Variants in RHOQ observed in about 807,000 individuals in gnomAD.
RHOQ encodes the protein ras homolog family member Q.
RHOQ carries 7 observed loss-of-function variants against 25.8 expected under a neutral mutation model. That is an observed-to-expected ratio of 0.27 (90% CI 0.15 to 0.51). The LOEUF (loss-of-function observed/expected upper bound fraction) is 0.51. RHOQ is among the 20% of genes least tolerant of loss of function. The probability of loss-of-function intolerance (pLI) is 0.97; values close to 1 mark genes in which losing one functional copy is unlikely to be tolerated. For synonymous variants in RHOQ, 97 were observed against 98.6 expected (o/e 0.98, Z 0.10); for missense variants, 165 against 260.6 (o/e 0.63, Z 2.53).
intron 2 of RHOQ, among the ~76,000 whole-genome samples, chr2:46,554,506 A>G (rs1449358281): frequency 6.6e-6 from 1 of 152,194 alleles, no homozygotes; most frequent in African/African-American, 2.4e-5. Context: ...GGCTGAGGTT[A>G]GCACTCCTCT....
chr2:46,575,818 T>C (rs1177338041), intron 2 of RHOQ, among the ~76,000 whole-genome samples: 3 of 152,236 alleles, frequency 2.0e-5, no homozygotes, highest in African/African-American at 7.2e-5. Flanking sequence ...AAAATGTTTT[T>C]AGTGACAGCG....
rs1054138921 is a variant in RHOQ, at chr2:46,552,965, T to A, written c.201+9153T>A. 6.6e-6 allele frequency among the ~76,000 whole-genome samples: 1 copy of A among 152,242 alleles called. No individual in the cohort carries two copies. The highest frequency in any genetic ancestry group is 2.4e-5 in the African/African-American group (1 of 41,456). On this transcript the variant is annotated intron_variant, in intron 2 of 4. Coordinates refer to ENST00000238738, the MANE Select transcript of RHOQ (RefSeq NM_012249.4). This position sits in a 1 kb window ranked among gnomAD's most constrained non-coding sequence, Gnocchi z 5.0. ...TTTTAGCTGGAGAAAGTGATCAGTT[T>A]GGATTCTTACACGTACTAGATGCTC...
intron 2 of RHOQ, among the ~76,000 whole-genome samples, chr2:46,574,883 G>T (rs1169876807): frequency 6.6e-6 from 1 of 152,188 alleles, no homozygotes; most frequent in East Asian, 1.9e-4. Flanking sequence ...TATTCCCTTA[G>T]TTCCACATTT....
chr2:46,572,939 C>A (rs1668983253), intron 2 of RHOQ, among the ~76,000 whole-genome samples: 1 of 152,168 alleles, frequency 6.6e-6, no homozygotes, highest in South Asian at 2.1e-4. Context: ...TGCATATGAA[C>A]CATTTTATAT....
rs934949662 is a variant in RHOQ, at chr2:46,569,544, A to C, written c.202-6543A>C. 1.3e-4 allele frequency: 20 copies of C among 152,100 alleles called. No individual in the cohort carries two copies. Among genetic ancestry groups the C allele is most frequent in the African/African-American group, 3.6e-4 (15 of 41,398 alleles). 9.4% of individuals were successfully genotyped at this position (152,100 alleles called of 1,614,324 possible). ...TTTCTTTATGCTCCACCAGATGTAAATTTTCTCTCCGTTTCCTCCAGCCAA... is the reference window on the plus strand; with the variant it reads ...TTTCTTTATGCTCCACCAGATGTAACTTTTCTCTCCGTTTCCTCCAGCCAA... On this transcript the variant is annotated intron_variant, in intron 2 of 4. Transcript: ENST00000238738. The surrounding 1 kb of genome is among the most constrained non-coding windows in gnomAD (Gnocchi z 4.1).
In RHOQ at chr2:46,583,100, C is replaced by G. The variant is rs1304534871; in HGVS notation, c.*2017C>G. ...GGTATAAACGAATTACAACAGTAAA[C>G]TATTACACATTTCCAACTTGCCTTT... On this transcript the variant is annotated 3_prime_UTR_variant, in exon 5 of 5. Coordinates refer to ENST00000238738, the MANE Select transcript of RHOQ (RefSeq NM_012249.4). 4 of 152,062 alleles carry G rather than the reference C, an allele frequency of 2.6e-5. No individual in the cohort carries two copies. Among genetic ancestry groups the G allele is most frequent in the African/African-American group, 9.7e-5 (4 of 41,408 alleles). The allele number at this position is 152,062 out of a possible 1,614,324, so 9.4% of individuals were successfully genotyped here. A position where few individuals can be genotyped will look rare whatever the true frequency, so the allele number is the denominator to read the frequency against.
Position 46,581,621 on chromosome 2 carries a change from G to T in RHOQ, c.*538G>T. On this transcript the variant is annotated 3_prime_UTR_variant, in exon 5 of 5. Transcript: ENST00000238738. The stretch of plus-strand genomic sequence containing the variant: ...GGAGAGAATGTATGAGATCAAAAAA[G>T]AACAAATGTTTTATTATTACTTGAG... 6.2e-7 allele frequency: 1 copy of T among 1,602,180 alleles called. No homozygotes were observed. Among genetic ancestry groups the T allele is most frequent in the Non-Finnish European group, 8.5e-7 (1 of 1,174,610 alleles).
chr2:46,554,255 T>C (rs983056462), intron 2 of RHOQ, among the ~76,000 whole-genome samples: 1 of 152,056 alleles, frequency 6.6e-6, no homozygotes, highest in African/African-American at 2.4e-5. Context: ...GATTCAGCCA[T>C]GGGTGCTCCC....
rs1668396953 is a variant in RHOQ at position 46,555,904 on chromosome 2, A to C, written c.201+12092A>C. Reference sequence around the variant, plus strand: ...AGTAGCATCTAGGCAAGCTGGTGTTAAGACGCAAGTAATTACTCAGAGAAA... The same window carrying C: ...AGTAGCATCTAGGCAAGCTGGTGTTCAGACGCAAGTAATTACTCAGAGAAA... On this transcript the variant is annotated intron_variant, in intron 2 of 4. Transcript: ENST00000238738. The surrounding 1 kb of genome is among the most constrained non-coding windows in gnomAD (Gnocchi z 4.3). Among the ~76,000 whole-genome samples, 1 of 152,194 alleles carries C rather than the reference A, an allele frequency of 6.6e-6. No homozygotes were observed. The highest frequency in any genetic ancestry group is 2.4e-5 in the African/African-American group (1 of 41,440).
At chr2:46,577,913 T>C (rs763400631) in intron 4 of RHOQ, among the ~76,000 whole-genome samples, 2 of 152,110 alleles carry the variant, frequency 1.3e-5, no homozygotes, top group African/African-American at 2.4e-5. Context: ...AATGAAAATA[T>C]TAATGATTTC....
chr2:46,575,065 C>G (rs1669066140), intron 2 of RHOQ, among the ~76,000 whole-genome samples: 2 of 151,958 alleles, frequency 1.3e-5, no homozygotes, highest in African/African-American at 4.8e-5. Context: ...ATAGTCTATG[C>G]AAAAAAGGAT....
At chr2:46,558,632 G>A (rs1014021770) in intron 2 of RHOQ, among the ~76,000 whole-genome samples, 5 of 152,072 alleles carry the variant, frequency 3.3e-5, no homozygotes, top group African/African-American at 9.6e-5. Flanking sequence ...GGCCTGGCTG[G>A]GTACCCACAA....
In RHOQ at chr2:46,584,147, A is replaced by T. The variant is rs1053475503; in HGVS notation, c.*3064A>T. Among the ~76,000 whole-genome samples, 4 of 152,178 alleles carry T rather than the reference A, an allele frequency of 2.6e-5. No individual in the cohort carries two copies. Among genetic ancestry groups the T allele is most frequent in the African/African-American group, 9.6e-5 (4 of 41,456 alleles). Reference sequence around the variant, plus strand: ...ATTAAATACCAGTTTGTTGGTTGTTACTTTTAAATGATTGTTACTTTAACA... The same window carrying T: ...ATTAAATACCAGTTTGTTGGTTGTTTCTTTTAAATGATTGTTACTTTAACA... On this transcript the variant is annotated 3_prime_UTR_variant, in exon 5 of 5. Coordinates refer to ENST00000238738, the MANE Select transcript of RHOQ (RefSeq NM_012249.4).
chr2:46,551,264 C>G (rs1250274315), intron 2 of RHOQ, among the ~76,000 whole-genome samples: 1 of 152,236 alleles, frequency 6.6e-6, no homozygotes, highest in East Asian at 1.9e-4. Context: ...AGCCATGGCT[C>G]AGGTTGTCCT....
In RHOQ at chr2:46,584,509, C is replaced by T. The variant is rs915718981; in HGVS notation, c.*3426C>T. Among the ~76,000 whole-genome samples, 2 of 152,154 alleles carry T rather than the reference C, an allele frequency of 1.3e-5. No homozygotes were observed. Among genetic ancestry groups the T allele is most frequent in the Non-Finnish European group, 1.5e-5 (1 of 68,000 alleles). On this transcript the variant is annotated 3_prime_UTR_variant, in exon 5 of 5. Transcript: ENST00000238738. ...GTTCTCAAACACATACATACCACCA[C>T]GCACATTCTTTTAAACAGCTGCCAC...
intron 2 of RHOQ, among the ~76,000 whole-genome samples, chr2:46,561,531 C>T (rs1668577643): frequency 6.6e-6 from 1 of 152,140 alleles, no homozygotes; most frequent in Non-Finnish European, 1.5e-5. Context: ...CTCTGAGCTA[C>T]ATAGTTTGGA....
At chr2:46,557,220 A>T (rs1410899338) in intron 2 of RHOQ, among the ~76,000 whole-genome samples, 2 of 152,240 alleles carry the variant, frequency 1.3e-5, no homozygotes, top group African/African-American at 4.8e-5. Context: ...TTATGAATTT[A>T]TGCCTAGAAA....
rs1318273008 is a variant in RHOQ, at chr2:46,542,626, G to T, written c.-421G>T. 1.4e-5 allele frequency: 2 copies of T among 146,510 alleles called. No homozygotes were observed. The highest frequency in any genetic ancestry group is 4.2e-4 in the South Asian group (2 of 4,816). 9.1% of individuals were successfully genotyped at this position (146,510 alleles called of 1,614,324 possible). Reference sequence around the variant, plus strand: ...GAGGCGCCTGGGCCCGCCCTCCTCCGGGGCGCCGCGGGAGGGGCCCGGGTT... The same window carrying T: ...GAGGCGCCTGGGCCCGCCCTCCTCCTGGGCGCCGCGGGAGGGGCCCGGGTT... On this transcript the variant is annotated 5_prime_UTR_variant, in exon 1 of 5. Coordinates refer to ENST00000238738, the MANE Select transcript of RHOQ (RefSeq NM_012249.4).
Position 46,548,766 on chromosome 2 carries a change from G to C in RHOQ, c.201+4954G>C, listed in dbSNP as rs1363347140. Among the ~76,000 whole-genome samples, 1 of 152,166 alleles carries C rather than the reference G, an allele frequency of 6.6e-6. No individual in the cohort carries two copies. The highest frequency in any genetic ancestry group is 1.5e-5 in the Non-Finnish European group (1 of 68,032). ...TCCCTTAGTAACCTACTGTAGATTT[G>C]TCATGTGTGCATTTTGCTAACCTTT... On this transcript the variant is annotated intron_variant, in intron 2 of 4. Transcript: ENST00000238738. The surrounding 1 kb of genome is among the most constrained non-coding windows in gnomAD (Gnocchi z 5.2).
Sources: allele counts gnomAD v4.1 joint callset (sites outside exome capture counted in the v4.1 genomes callset), GRCh38; gene constraint gnomAD v4.1.1; non-coding constraint Gnocchi (gnomAD v3.1); transcripts MANE v1.5; gene names NCBI Gene and HGNC (gene_info 2026-07-23, HGNC 2026-07-21).